Variants in ELMO3 observed in about 807,000 individuals in gnomAD.
The protein encoded by ELMO3 is engulfment and cell motility 3, also known as engulfment and cell motility protein 3.
In ELMO3, 81 loss-of-function variants were observed where a neutral mutation model predicts 89.0. The observed-to-expected ratio is 0.91, with a 90% CI of 0.76 to 1.09. ELMO3 has a LOEUF of 1.09. Ranked by LOEUF, ELMO3 falls within the 50% of genes least tolerant of loss-of-function variation. ELMO3 has a pLI of 0.00. For missense variants in ELMO3, 959 were observed against 972.8 expected, an observed-to-expected ratio of 0.99 and a Z score of 0.19; for synonymous variants, 406 against 400.6, an observed-to-expected ratio of 1.01 and a Z score of -0.16.
chr16:67,200,489 C>G lies in ELMO3; in HGVS notation c.452C>G (p.Ser151Ter), dbSNP rs755417338. The change falls in exon 6 of 20, where the codon TCA (serine) becomes TGA (stop). Residue 151 changes from serine (S) to a stop codon, truncating the protein, a stop_gained. Transcript: ENST00000393997. LOFTEE classifies it high-confidence loss of function. The part of the protein sequence containing the change: ...EVLALSLRAF[S>*]ELMEHGVVSW... ...CTGGCCCTCAGCCTGAGGGCCTTCT[C>G]AGAGCTCATGGAGCACGGCGTGGTG... 8 of 1,613,682 alleles carry G rather than the reference C, an allele frequency of 5.0e-6. No individual in the cohort carries two copies. Among genetic ancestry groups the G allele is most frequent in the Non-Finnish European group, 6.8e-6 (8 of 1,179,938 alleles).
In ELMO3 at chr16:67,199,957, G is replaced by C; in HGVS notation, c.199G>C (p.Ala67Pro). 6.2e-7 allele frequency: 1 copy of C among 1,613,858 alleles called. No homozygotes were observed. The change falls in exon 4 of 20, where the codon GCG (alanine) becomes CCG (proline). Residue 67 changes from alanine (A) to proline (P), a missense_variant. Physicochemically the swap from Ala to Pro is conservative, Grantham distance 27 (BLOSUM62 -1). Coordinates refer to ENST00000393997, the MANE Select transcript of ELMO3 (RefSeq NM_024712.5). ...HRRYITENNR[A>P]EIKNGSILCL... ...TTTCTGCTGTCTTCTCCAGAACCGC[G>C]CGGAGATCAAGAATGGCAGCATCCT...
rs748953902 is a variant in ELMO3, at chr16:67,201,960, G to A, written c.1051-17G>A. The A allele has an allele frequency of 3.1e-6, 5 of 1,611,646 alleles. No homozygotes were observed. In the African/African-American group the frequency reaches 4.0e-5, roughly 13 times the overall value. On this transcript the variant is annotated splice_polypyrimidine_tract_variant and intron_variant, in intron 11 of 19. Coordinates refer to ENST00000393997, the MANE Select transcript of ELMO3 (RefSeq NM_024712.5). ...GGCCGTGGCCCTTCTTGAACTGCCT[G>A]TGCCCACTTCCCCCAGAACAGCAAC...
In ELMO3 at chr16:67,202,770, C is replaced by T; in HGVS notation, c.1542C>T (p.Gly514=). 2 of 1,613,478 alleles carry T rather than the reference C, an allele frequency of 1.2e-6. No homozygotes were observed. Among genetic ancestry groups the T allele is most frequent in the Admixed American group, 3.3e-5 (2 of 60,004 alleles). ...AGACTGAACGGCTGCACCAGGAGGG[C>T]ACACTGGCTCCCCCTATACTGTGAG... ...LRQTERLHQE[G]TLAPPILELR... Residue 514 remains glycine (G), a synonymous_variant, in exon 15 of 20, where the codon GGC becomes GGT. Transcript: ENST00000393997.
Position 67,202,808 on chromosome 16 carries a change from G to A in ELMO3, c.1562+18G>A. On this transcript the variant is annotated intron_variant, in intron 15 of 19. Coordinates refer to ENST00000393997, the MANE Select transcript of ELMO3 (RefSeq NM_024712.5). ...CCTATACTGTGAGTCTGGGGGGATGGATCCTCAGTCCTAGCCCTACCTTCC... is the reference window on the plus strand; with the variant it reads ...CCTATACTGTGAGTCTGGGGGGATGAATCCTCAGTCCTAGCCCTACCTTCC... 4 of 1,612,592 alleles carry A rather than the reference G, an allele frequency of 2.5e-6. No individual in the cohort carries two copies. The highest frequency in any genetic ancestry group is 3.4e-6 in the Non-Finnish European group (4 of 1,179,350).
Position 67,201,609 on chromosome 16 carries a change from G to A in ELMO3, c.885G>A (p.Pro295=), listed in dbSNP as rs375408698. ...LQALMLGLLE[P]RMRTPLDPYS... ...CTCTCATGCTGGGGCTGCTGGAGCC[G>A]CGCATGCGGACGCCCCTGGACCCCT... The change falls in exon 10 of 20, where the codon CCG becomes CCA. Residue 295 remains proline (P), a synonymous_variant. Coordinates refer to ENST00000393997, the MANE Select transcript of ELMO3 (RefSeq NM_024712.5). 2.7e-5 allele frequency: 43 copies of A among 1,613,414 alleles called. 1 individual carries two copies. Among genetic ancestry groups the A allele is most frequent in the South Asian group, 2.3e-4 (21 of 91,094 alleles).
rs778382386 is a variant in ELMO3 at position 67,200,594 on chromosome 16, G to A, written c.513+44G>A. Reference sequence around the variant, plus strand: ...GGCAGCGGGTGGGGGCAGTGGAGCAGTGGGGCAGTGGTAGACCCGGTCTTC... The same window carrying A: ...GGCAGCGGGTGGGGGCAGTGGAGCAATGGGGCAGTGGTAGACCCGGTCTTC... On this transcript the variant is annotated intron_variant, in intron 6 of 19. Coordinates refer to ENST00000393997, the MANE Select transcript of ELMO3 (RefSeq NM_024712.5). The A allele has an allele frequency of 1.4e-5, 22 of 1,612,174 alleles. No individual in the cohort carries two copies. The South Asian group carries it at 2.4e-4, about 18-fold the overall frequency.
Position 67,199,365 on chromosome 16 carries a change from G to A in ELMO3, c.39G>A (p.Lys13=). The change falls in exon 1 of 20, where the codon AAG becomes AAA. Residue 13 remains lysine, a synonymous_variant. Transcript: ENST00000393997. ...PPRNVVKIAI[K]MRDAIPQLIQ... ...GGAACGTGGTGAAGATTGCCATCAAGATGCGTGACGCCATCCCGCAGCTCA... is the reference window on the plus strand; with the variant it reads ...GGAACGTGGTGAAGATTGCCATCAAAATGCGTGACGCCATCCCGCAGCTCA... The A allele has an allele frequency of 6.2e-7, 1 of 1,609,272 alleles. No individual in the cohort carries two copies. The highest frequency in any genetic ancestry group is 8.5e-7 in the Non-Finnish European group (1 of 1,179,182).
chr16:67,203,643 C>T lies in ELMO3; in HGVS notation c.1951-22C>T. ...CAGGGGAGGCAGATGGGCAGACCCT[C>T]ACGGCTCTGTGCCACCCCCAGTTCT... is the stretch of plus-strand genomic sequence containing the variant. On this transcript the variant is annotated intron_variant, in intron 19 of 19. Transcript: ENST00000393997. This position sits in a 1 kb window ranked among gnomAD's most constrained non-coding sequence, Gnocchi z 4.6. The T allele has an allele frequency of 6.2e-7, 1 of 1,613,770 alleles. No individual in the cohort carries two copies. The highest frequency in any genetic ancestry group is 2.2e-5 in the East Asian group (1 of 44,882).
chr16:67,200,565 C>G lies in ELMO3; in HGVS notation c.513+15C>G. The G allele has an allele frequency of 6.2e-7, 1 of 1,613,324 alleles. No individual in the cohort carries two copies. The highest frequency in any genetic ancestry group is 8.5e-7 in the Non-Finnish European group (1 of 1,179,744). ...TTGTGAGGAAGGTGGGTGGGCTTTCCTAGGGCAGCGGGTGGGGGCAGTGGA... is the reference window on the plus strand; with the variant it reads ...TTGTGAGGAAGGTGGGTGGGCTTTCGTAGGGCAGCGGGTGGGGGCAGTGGA... On this transcript the variant is annotated intron_variant, in intron 6 of 19. Transcript: ENST00000393997.
chr16:67,201,303 C>A, intron 8 of ELMO3, 82 bp from the exon 9 acceptor site: 1 of 1,586,338 alleles, frequency 6.3e-7, no homozygotes, highest in Non-Finnish European at 8.6e-7. Flanking sequence ...GTGATCCGCC[C>A]GCCTTGGCCT....
chr16:67,201,209 C>A (rs2033099544), intron 8 of ELMO3, among the ~76,000 whole-genome samples, 176 bp from the exon 9 acceptor site: 1 of 134,960 alleles, frequency 7.4e-6, no homozygotes, highest in African/African-American at 3.3e-5. Context: ...CCACGCCCAG[C>A]TGATTTTTTT....
At position 67,202,212 on chromosome 16, in the gene ELMO3, G is replaced by T. The variant is rs769571656; in HGVS notation, c.1189G>T (p.Glu397Ter). ...GAACAGCAGCCGCGAGGACAAGCAC[G>T]AGTGCCCCTTTGCCCGGGGCAGCAT... ...LENSSREDKHECPFARGSIQL... is the reference protein window; with the variant it reads ...LENSSREDKH The change falls in exon 13 of 20, where the codon GAG (glutamate) becomes TAG (stop). Residue 397 changes from glutamate to a stop codon, truncating the protein, a stop_gained. Coordinates refer to ENST00000393997, the MANE Select transcript of ELMO3 (RefSeq NM_024712.5). LOFTEE classifies it high-confidence loss of function. The T allele has an allele frequency of 6.2e-7, 1 of 1,605,386 alleles. No homozygotes were observed.
In ELMO3 at chr16:67,201,985, C is replaced by T. The variant is rs1266797739; in HGVS notation, c.1059C>T (p.Asn353=). 1 of 1,613,158 alleles carries T rather than the reference C, an allele frequency of 6.2e-7. No homozygotes were observed. Residue 353 remains asparagine (N), a synonymous_variant, in exon 12 of 20, where the codon AAC becomes AAT. Coordinates refer to ENST00000393997, the MANE Select transcript of ELMO3 (RefSeq NM_024712.5). The part of the protein sequence containing the change: ...EFRKLGFSNS[N]PAQDLERVPP... ...GTGCCCACTTCCCCCAGAACAGCAA[C>T]CCAGCACAGGACCTGGAGCGCGTGC... is the stretch of plus-strand genomic sequence containing the variant.
intron 14 of ELMO3, 29 bp from the exon 15 acceptor site, chr16:67,202,597 AG>A (rs1567693028): frequency 6.2e-7 from 1 of 1,613,006 alleles, no homozygotes; most frequent in Admixed American, 1.7e-5. Flanking sequence ...TACAGAGCTT[AG>A]GCCCTGAGCT....
intron 8 of ELMO3, 132 bp downstream of exon 8, chr16:67,201,100 C>T (rs2033095495): frequency 9.5e-7 from 1 of 1,053,762 alleles, no homozygotes; most frequent in East Asian, 2.7e-5. Flanking sequence ...GGCTGGAGTG[C>T]AGTGGTGCGA....
In ELMO3 at chr16:67,199,237, C is replaced by T. The variant is rs1255241851; in HGVS notation, c.-90C>T. 3.7e-6 allele frequency: 6 copies of T among 1,611,336 alleles called. No homozygotes were observed. In the East Asian group the frequency reaches 6.7e-5, roughly 18 times the overall value. ...GTCAGGTCTCGGAAAGGGAGGACCT[C>T]CTCGTCCCCAGGGGCCCCAGGCCAG... On this transcript the variant is annotated 5_prime_UTR_variant, in exon 1 of 20. Transcript: ENST00000393997.
Position 67,203,155 on chromosome 16 carries a change from A to G in ELMO3, c.1712A>G (p.Lys571Arg), listed in dbSNP as rs2033164882. The change falls in exon 17 of 20, where the codon AAG becomes AGG. Residue 571 changes from lysine (K) to arginine (R), a missense_variant. Transcript: ENST00000393997. This position sits in a 1 kb window ranked among gnomAD's most constrained non-coding sequence, Gnocchi z 4.6. ...TTCTGCTGCCTGTCCCCCAACCACA[A>G]GCTGCTGCAGTACGGAGACATGGAG... The part of the protein sequence containing the change: ...LWFCCLSPNH[K>R]LLQYGDMEEG... 5.0e-6 allele frequency: 8 copies of G among 1,612,386 alleles called. No individual in the cohort carries two copies. The highest frequency in any genetic ancestry group is 6.8e-6 in the Non-Finnish European group (8 of 1,179,784).
In ELMO3 at chr16:67,201,469, C is replaced by A. The variant is rs780564467; in HGVS notation, c.795+34C>A. On this transcript the variant is annotated intron_variant, in intron 9 of 19. Coordinates refer to ENST00000393997, the MANE Select transcript of ELMO3 (RefSeq NM_024712.5). ...TGGTGGGCCAGGGGGACCTCTCTGC[C>A]CCTCCCTCCCCGTGAGCCCTCGCTT... 1.9e-6 allele frequency: 3 copies of A among 1,613,858 alleles called. No homozygotes were observed. The African/African-American group carries it at 4.0e-5, about 22-fold the overall frequency.
chr16:67,202,190 C>T lies in ELMO3; in HGVS notation c.1167C>T (p.Asn389=), dbSNP rs368446112. 7.0e-5 allele frequency: 112 copies of T among 1,601,296 alleles called. 1 individual carries two copies. Among genetic ancestry groups the T allele is most frequent in the Middle Eastern group, 1.7e-4 (1 of 6,026 alleles). Residue 389 remains asparagine (N), a synonymous_variant, in exon 13 of 20, where the codon AAC becomes AAT. Coordinates refer to ENST00000393997, the MANE Select transcript of ELMO3 (RefSeq NM_024712.5). ...TGCGCCCCCAGTTTGTGTTGGAGAACAGCAGCCGCGAGGACAAGCACGAGT... is the reference window on the plus strand; with the variant it reads ...TGCGCCCCCAGTTTGTGTTGGAGAATAGCAGCCGCGAGGACAAGCACGAGT... The part of the protein sequence containing the change: ...PSAYSRFVLE[N]SSREDKHECP...
Sources: allele counts gnomAD v4.1 joint callset (sites outside exome capture counted in the v4.1 genomes callset), GRCh38; gene constraint gnomAD v4.1.1; non-coding constraint Gnocchi (gnomAD v3.1); transcripts MANE v1.5; gene names NCBI Gene and HGNC (gene_info 2026-07-23, HGNC 2026-07-21).